Variants in WDTC1 observed in about 807,000 individuals in gnomAD.
The protein encoded by WDTC1 is WD and tetratricopeptide repeats 1.
A neutral mutation model predicts 76.0 loss-of-function variants in WDTC1; 12 were observed. The observed-to-expected ratio is 0.16, with a 90% CI of 0.10 to 0.26. The LOEUF (loss-of-function observed/expected upper bound fraction) is 0.26, where lower values mean the gene tolerates loss of function less well. Among genes scored for constraint, WDTC1 ranks in the 10% least tolerant of loss-of-function variants. The probability of loss-of-function intolerance (pLI) is 1.00; values close to 1 mark genes in which losing one functional copy is unlikely to be tolerated. For synonymous variants in WDTC1, 326 were observed against 350.8 expected (o/e 0.93, Z 0.79); for missense variants, 511 against 908.8 (o/e 0.56, Z 5.63).
At chr1:27,295,547 C>G (rs376862473) in intron 9 of WDTC1, among the ~76,000 whole-genome samples, 2 of 151,950 alleles carry the variant, frequency 1.3e-5, no homozygotes, top group Admixed American at 1.3e-4. Context: ...TCCGCTCTGC[C>G]TCCTGGATTT....
chr1:27,292,524 C>A (rs765369268), intron 7 of WDTC1, 127 bp downstream of exon 7: 1 of 844,944 alleles, frequency 1.2e-6, no homozygotes, highest in Non-Finnish European at 1.7e-6. Flanking sequence ...ACCTCCCAGG[C>A]TCAAGCGATC....
intron 12 of WDTC1, 48 bp downstream of exon 12, chr1:27,298,159 CA>C: frequency 6.6e-7 from 1 of 1,507,638 alleles, no homozygotes; most frequent in Non-Finnish European, 8.9e-7. Flanking sequence ...AGGGAGAAAG[CA>C]GCTGGACCAA....
intron 5 of WDTC1, among the ~76,000 whole-genome samples, chr1:27,283,891 C>T (rs2013260884): frequency 6.6e-6 from 1 of 152,178 alleles, no homozygotes; most frequent in South Asian, 2.1e-4. Context: ...AAATAACAGT[C>T]TACAAGGTTG....
chr1:27,262,025 G>A lies in WDTC1; in HGVS notation c.48+923G>A, dbSNP rs187032432. On this transcript the variant is annotated intron_variant, in intron 2 of 15. Coordinates refer to ENST00000319394, the MANE Select transcript of WDTC1 (RefSeq NM_001276252.2). ...GCTCAGTGCGACCTCCACCTCCCAG[G>A]TTCAAGTGATTCTCTTGCCTCAGCC... Among the ~76,000 whole-genome samples, 407 of 152,004 alleles carry A rather than the reference G, an allele frequency of 2.7e-3. 3 individuals carry two copies. Among genetic ancestry groups the A allele is most frequent in the African/African-American group, 9.0e-3 (373 of 41,468 alleles).
At position 27,301,045 on chromosome 1, in the gene WDTC1, ACT is replaced by A. The variant is rs2013819212; in HGVS notation, c.1233-178_1233-177del. On this transcript the variant is annotated intron_variant, in intron 12 of 15. Transcript: ENST00000319394. The surrounding 1 kb of genome is among the most constrained non-coding windows in gnomAD (Gnocchi z 5.8). ...GTTTCCTGGCTTGCTCCTTAACCAT[ACT>A]CTGTCTCCTGATGGGGGAGGCCTGG... 6.6e-6 allele frequency among the ~76,000 whole-genome samples: 1 copy of A among 151,630 alleles called. No homozygotes were observed. Among genetic ancestry groups the A allele is most frequent in the Non-Finnish European group, 1.5e-5 (1 of 67,892 alleles).
At position 27,296,410 on chromosome 1, in the gene WDTC1, T is replaced by C. The variant is rs1232570770; in HGVS notation, c.949+9T>C. The C allele has an allele frequency of 6.2e-7, 1 of 1,614,016 alleles. No homozygotes were observed. The highest frequency in any genetic ancestry group is 8.5e-7 in the Non-Finnish European group (1 of 1,179,934). ...ATGCCACTCCTCGGGGGGTAAGTTCTCCCTTAGGGTATCTCTACTGCGGCG... is the reference window on the plus strand; with the variant it reads ...ATGCCACTCCTCGGGGGGTAAGTTCCCCCTTAGGGTATCTCTACTGCGGCG... On this transcript the variant is annotated intron_variant, in intron 10 of 15. Coordinates refer to ENST00000319394, the MANE Select transcript of WDTC1 (RefSeq NM_001276252.2).
chr1:27,263,343 C>T lies in WDTC1; in HGVS notation c.132+108C>T. On this transcript the variant is annotated intron_variant, in intron 3 of 15. Coordinates refer to ENST00000319394, the MANE Select transcript of WDTC1 (RefSeq NM_001276252.2). ...GCATAAACAAGTGTTTCTCTGCAGG[C>T]CATATCTGACAGTTACTTCTCCTTC... The T allele has an allele frequency of 3.0e-6, 3 of 984,498 alleles. No individual in the cohort carries two copies. In the South Asian group the frequency reaches 5.2e-5, roughly 17 times the overall value. The allele number at this position is 984,498 out of a possible 1,614,324, so 61.0% of individuals were successfully genotyped here.
intron 2 of WDTC1, among the ~76,000 whole-genome samples, chr1:27,261,799 T>C (rs2012482534): frequency 6.6e-6 from 1 of 152,224 alleles, no homozygotes; most frequent in Non-Finnish European, 1.5e-5. Flanking sequence ...TTACCTCCTG[T>C]GCCTCAGTTT....
At chr1:27,240,152 A>C (rs1004807182) in intron 1 of WDTC1, among the ~76,000 whole-genome samples, 15 of 152,082 alleles carry the variant, frequency 9.9e-5, no homozygotes, top group African/African-American at 3.6e-4. Flanking sequence ...TGGCCCCCCA[A>C]AGTGCTGGGA....
intron 10 of WDTC1, among the ~76,000 whole-genome samples, 155 bp downstream of exon 10, chr1:27,296,556 T>C (rs937154780): frequency 6.6e-6 from 1 of 152,138 alleles, no homozygotes; most frequent in African/African-American, 2.4e-5. Context: ...AGAAAGAGGA[T>C]GACAATAGAG....
At chr1:27,235,207 A>C (rs1343696476) in intron 1 of WDTC1, among the ~76,000 whole-genome samples, 1 of 151,958 alleles carries the variant, frequency 6.6e-6, no homozygotes, top group Non-Finnish European at 1.5e-5. Context: ...GAGTCCGGGG[A>C]GGCTCTGCGG....
intron 1 of WDTC1, among the ~76,000 whole-genome samples, chr1:27,238,193 T>C (rs541102208): frequency 9.6e-4 from 146 of 152,252 alleles, no homozygotes; most frequent in Non-Finnish European, 1.8e-3. Flanking sequence ...CTCTGTGATA[T>C]TGAATTGCCT....
At chr1:27,260,613 A>C (rs560988225) in intron 1 of WDTC1, among the ~76,000 whole-genome samples, 1 of 152,350 alleles carries the variant, frequency 6.6e-6, no homozygotes, top group East Asian at 1.9e-4. Context: ...ACAGATGCCT[A>C]CTGAGCAAGT....
Position 27,294,544 on chromosome 1 carries a change from A to G in WDTC1, c.788A>G (p.Asn263Ser). 2 of 1,614,208 alleles carry G rather than the reference A, an allele frequency of 1.2e-6. No homozygotes were observed. The highest frequency in any genetic ancestry group is 8.5e-7 in the Non-Finnish European group (1 of 1,180,038). Residue 263 changes from asparagine to serine, a missense_variant, in exon 9 of 16, where the codon AAC (asparagine) becomes AGC (serine). Physicochemically the swap from Asn to Ser is conservative, Grantham distance 46 (BLOSUM62 1). Transcript: ENST00000319394. ...CTGCCAGTGAAGCTTCCTGACTACA[A>G]CAACCGTTTGAGAGTGCTGGTTGCC... is the stretch of plus-strand genomic sequence containing the variant. ...GHLPVKLPDYNNRLRVLVATY... is the reference protein window; with the variant it reads ...GHLPVKLPDYSNRLRVLVATY...
Position 27,263,155 on chromosome 1 carries a change from CG to C in WDTC1, c.56del (p.Gly19ValfsTer3). The C allele has an allele frequency of 6.2e-7, 1 of 1,613,040 alleles. No homozygotes were observed. Among genetic ancestry groups the C allele is most frequent in the Non-Finnish European group, 8.5e-7 (1 of 1,179,554 alleles). On this transcript the variant is annotated frameshift_variant, in exon 3 of 16. Transcript: ENST00000319394. LOFTEE classifies it high-confidence loss of function. ...RDLIRRQIKERGALSFERRYH... is the reference protein window; with the variant it reads ...RDLIRRQIKEXGALSFERRYH... ...CGAATTTGTTTCTGTCCCCTAGGAG[CG>C]GGGTGCCCTGAGCTTTGAGCGGCGC...
rs2013941745 is a variant in WDTC1 at position 27,305,850 on chromosome 1, TG to T, written c.1837-332del. Among the ~76,000 whole-genome samples the T allele has an allele frequency of 2.0e-5, 3 of 152,024 alleles. No homozygotes were observed. Among genetic ancestry groups the T allele is most frequent in the African/African-American group, 7.2e-5 (3 of 41,380 alleles). On this transcript the variant is annotated intron_variant, in intron 15 of 15. Transcript: ENST00000319394. The surrounding 1 kb of genome is among the most constrained non-coding windows in gnomAD (Gnocchi z 4.6). ...GTTGTGGCAACAAAACAGAATGGGG[TG>T]GGGAAGTTGTATCTGCCCCTTGTCC...
At chr1:27,265,157 A>T (rs1180355692) in intron 3 of WDTC1, among the ~76,000 whole-genome samples, 1 of 152,158 alleles carries the variant, frequency 6.6e-6, no homozygotes, top group Non-Finnish European at 1.5e-5. Flanking sequence ...CATAGTATCA[A>T]AGAAAGATAT....
intron 14 of WDTC1, chr1:27,304,668 C>T: frequency 5.2e-6 from 1 of 193,978 alleles, no homozygotes; most frequent in Non-Finnish European, 1.0e-5. Flanking sequence ...AGTCTGGATG[C>T]CAGAAGCCTG....
chr1:27,247,465 C>G (rs1256944755), intron 1 of WDTC1, among the ~76,000 whole-genome samples: 1 of 152,032 alleles, frequency 6.6e-6, no homozygotes, highest in Non-Finnish European at 1.5e-5. Context: ...TTTTCTGATC[C>G]TCTTCCTCTT....
Sources: gnomAD v4.1 joint callset for allele counts (sites outside exome capture counted in the v4.1 genomes callset) on GRCh38, gnomAD v4.1.1 for gene constraint, Gnocchi (gnomAD v3.1) non-coding constraint, MANE v1.5 for transcripts, NCBI Gene and HGNC (gene_info 2026-07-23, HGNC 2026-07-21) for gene names.